Variants in BLNK observed in about 807,000 individuals in gnomAD.
BLNK encodes B cell linker.
A neutral mutation model predicts 73.5 loss-of-function variants in BLNK; 29 were observed. The observed-to-expected ratio is 0.39, with a 90% CI of 0.29 to 0.54. The LOEUF is 0.54. BLNK is among the 20% of genes least tolerant of loss of function. The probability of loss-of-function intolerance (pLI) is 0.61; values close to 1 mark genes in which losing one functional copy is unlikely to be tolerated. For synonymous variants in BLNK, 176 were observed against 200.8 expected, an observed-to-expected ratio of 0.88 and a Z score of 1.04; for missense variants, 460 against 562.8, an observed-to-expected ratio of 0.82 and a Z score of 1.85.
Position 96,200,035 on chromosome 10 carries a change from A to C in BLNK, c.1095+40T>G. Reference sequence around the variant, plus strand: ...TCATCTCAAAACAAATAAATAAAATAAAATAAAATAAAAATAATAAATAAT... The same window carrying C: ...TCATCTCAAAACAAATAAATAAAATCAAATAAAATAAAAATAATAAATAAT... On this transcript the variant is annotated intron_variant, in intron 15 of 16. Transcript: ENST00000224337. The surrounding 1 kb of genome is among the most constrained non-coding windows in gnomAD (Gnocchi z 4.3). The C allele has an allele frequency of 7.7e-7, 1 of 1,291,962 alleles. No individual in the cohort carries two copies. Among genetic ancestry groups the C allele is most frequent in the Non-Finnish European group, 1.0e-6 (1 of 992,374 alleles). The allele number at this position is 1,291,962 out of a possible 1,614,324, so 80.0% of individuals were successfully genotyped here.
chr10:96,203,832 C>A, intron 13 of BLNK: 1 of 392,410 alleles, frequency 2.5e-6, no homozygotes, highest in Non-Finnish European at 4.6e-6. Context: ...AATATTAAAT[C>A]GCTACTAAAA....
rs952707505 is a variant in BLNK at position 96,200,387 on chromosome 10, T to C, written c.1012-229A>G. On this transcript the variant is annotated intron_variant, in intron 14 of 16. Coordinates refer to ENST00000224337, the MANE Select transcript of BLNK (RefSeq NM_013314.4). This position sits in a 1 kb window ranked among gnomAD's most constrained non-coding sequence, Gnocchi z 4.3. ...CTTAGCTAGGTTCCTGAATTATTTCTTTCTTTCTCCTAAATAAGTAATAAT... is the reference window on the plus strand; with the variant it reads ...CTTAGCTAGGTTCCTGAATTATTTCCTTCTTTCTCCTAAATAAGTAATAAT... 3.3e-5 allele frequency among the ~76,000 whole-genome samples: 5 copies of C among 152,256 alleles called. No homozygotes were observed. Among genetic ancestry groups the C allele is most frequent in the Admixed American group, 6.5e-5 (1 of 15,290 alleles).
intron 1 of BLNK, among the ~76,000 whole-genome samples, chr10:96,259,296 C>T (rs1298323305): frequency 3.3e-5 from 5 of 152,100 alleles, no homozygotes; most frequent in African/African-American, 1.2e-4. Flanking sequence ...TAGAGGGGAG[C>T]GTCAGCTCTT....
intron 1 of BLNK, among the ~76,000 whole-genome samples, chr10:96,265,524 G>T (rs1214214562): frequency 6.6e-6 from 1 of 152,108 alleles, no homozygotes; most frequent in Non-Finnish European, 1.5e-5. Flanking sequence ...TAGTTCATGG[G>T]ATCTAGTTTT....
intron 11 of BLNK, 113 bp from the exon 12 acceptor site, chr10:96,204,729 C>G: frequency 2.2e-6 from 2 of 916,354 alleles, no homozygotes; most frequent in Non-Finnish European, 3.5e-6. Flanking sequence ...TTCCCGGGAA[C>G]ATGTCTTAGT....
At chr10:96,269,875 C>G (rs1844195075) in intron 1 of BLNK, among the ~76,000 whole-genome samples, 1 of 152,124 alleles carries the variant, frequency 6.6e-6, no homozygotes, top group Non-Finnish European at 1.5e-5. Flanking sequence ...GTGACAGCCT[C>G]TGTATTTCCT....
At chr10:96,238,998 C>G (rs1842794704) in intron 3 of BLNK, 1 of 396,452 alleles carries the variant, frequency 2.5e-6, no homozygotes, top group South Asian at 1.4e-4. Context: ...CAAGATTCTG[C>G]ATTTCTAACA....
chr10:96,233,727 G>A (rs1554904541), intron 3 of BLNK, among the ~76,000 whole-genome samples: 1 of 152,152 alleles, frequency 6.6e-6, no homozygotes, highest in Non-Finnish European at 1.5e-5. Flanking sequence ...GAAGCTGGTG[G>A]CACCGTGATG....
At chr10:96,267,079 A>G (rs1386412478) in intron 1 of BLNK, among the ~76,000 whole-genome samples, 1 of 152,214 alleles carries the variant, frequency 6.6e-6, no homozygotes, top group Non-Finnish European at 1.5e-5. Flanking sequence ...TGGTCCTTCT[A>G]AATATATCAA....
intron 6 of BLNK, among the ~76,000 whole-genome samples, chr10:96,221,207 G>C (rs1358904831): frequency 5.3e-5 from 8 of 152,168 alleles, no homozygotes; most frequent in Admixed American, 3.3e-4. Context: ...ATGAGATAAT[G>C]CATACAAAGT....
intron 2 of BLNK, among the ~76,000 whole-genome samples, chr10:96,245,728 TATG>T (rs1240551617): frequency 6.6e-6 from 1 of 152,240 alleles, no homozygotes; most frequent in Non-Finnish European, 1.5e-5. Context: ...GCGCATGCAC[TATG>T]ATACCATTTA....
chr10:96,216,639 C>T lies in BLNK; in HGVS notation c.607+14G>A, dbSNP rs781930684. Reference sequence around the variant, plus strand: ...GCTAAAAATTTTCAGGTGCTTAAGGCGACAAACTCTTACCTTTTTCAGGTG... The same window carrying T: ...GCTAAAAATTTTCAGGTGCTTAAGGTGACAAACTCTTACCTTTTTCAGGTG... On this transcript the variant is annotated intron_variant, in intron 7 of 16. Transcript: ENST00000224337. 48 of 1,613,328 alleles carry T rather than the reference C, an allele frequency of 3.0e-5. No individual in the cohort carries two copies. Among genetic ancestry groups the T allele is most frequent in the East Asian group, 4.5e-5 (2 of 44,872 alleles).
chr10:96,227,325 G>C, intron 5 of BLNK, 85 bp downstream of exon 5: 2 of 1,557,112 alleles, frequency 1.3e-6, no homozygotes, highest in Non-Finnish European at 1.7e-6. Context: ...CAGCAGCCAG[G>C]TTTGTCCCCA....
intron 2 of BLNK, among the ~76,000 whole-genome samples, chr10:96,246,081 G>T (rs1211372926): frequency 1.3e-5 from 2 of 151,648 alleles, no homozygotes; most frequent in East Asian, 3.9e-4. Context: ...ACCTACTAAG[G>T]TACGTCTACC....
In BLNK at chr10:96,215,350, G is replaced by A. The variant is rs781988380; in HGVS notation, c.647C>T (p.Thr216Met). ...VNRSTKPNSSTPASPPGTASG... is the reference protein window; with the variant it reads ...VNRSTKPNSSMPASPPGTASG... Reference sequence around the variant, plus strand: ...AGCTGTTCCTGGAGGAGAGGCGGGCGTTGAGGAATTTGGCTTGGTTGATCT... The same window carrying A: ...AGCTGTTCCTGGAGGAGAGGCGGGCATTGAGGAATTTGGCTTGGTTGATCT... Residue 216 changes from threonine to methionine, a missense_variant, in exon 8 of 17, where the codon ACG (threonine) becomes ATG (methionine). Around this residue, in one of 3 missense-constraint regions of BLNK, gnomAD observed 233 missense variants for 232.1 expected, o/e 1.00. Coordinates refer to ENST00000224337, the MANE Select transcript of BLNK (RefSeq NM_013314.4). 1.6e-5 allele frequency: 26 copies of A among 1,613,888 alleles called. No homozygotes were observed. The highest frequency in any genetic ancestry group is 3.3e-4 in the Middle Eastern group (2 of 6,074).
chr10:96,223,785 C>A (rs146017428), intron 6 of BLNK, 41 bp downstream of exon 6: 21 of 1,610,808 alleles, frequency 1.3e-5, no homozygotes, highest in African/African-American at 8.0e-5. Context: ...GCCCCACCCC[C>A]CTCTGTGTCC....
At chr10:96,256,864 G>A (rs1416705944) in intron 1 of BLNK, among the ~76,000 whole-genome samples, 1 of 121,176 alleles carries the variant, frequency 8.3e-6, no homozygotes, top group Non-Finnish European at 1.6e-5. Context: ...CTGGGCGACA[G>A]AGTGAGACTC....
chr10:96,210,501 G>T (rs1554898515), intron 8 of BLNK, among the ~76,000 whole-genome samples: 1 of 152,264 alleles, frequency 6.6e-6, no homozygotes, highest in Non-Finnish European at 1.5e-5. Context: ...TGAGACAAGT[G>T]CAGGCTGCTG....
chr10:96,246,938 T>A (rs782523080), intron 2 of BLNK, 46 bp downstream of exon 2: 1 of 1,408,254 alleles, frequency 7.1e-7, no homozygotes, highest in Non-Finnish European at 9.9e-7. Flanking sequence ...GTAGCACATG[T>A]TGACTTATTT....
Sources: allele counts gnomAD v4.1 joint callset (sites outside exome capture counted in the v4.1 genomes callset), GRCh38; gene constraint gnomAD v4.1.1; regional missense constraint gnomAD v4.1.1; non-coding constraint Gnocchi (gnomAD v3.1); transcripts MANE v1.5; gene names NCBI Gene and HGNC (gene_info 2026-07-23, HGNC 2026-07-21).